SLC44A5: variants seen among roughly 807,000 people sequenced by gnomAD.
SLC44A5 encodes solute carrier family 44 member 5, also known as choline transporter-like protein 5.
A neutral mutation model predicts 101.8 loss-of-function variants in SLC44A5; 57 were observed. The ratio of observed to expected loss-of-function variants is 0.56; its 90% CI spans 0.45 to 0.70. The LOEUF (loss-of-function observed/expected upper bound fraction) is 0.70. Among genes scored for constraint, SLC44A5 ranks in the 30% least tolerant of loss-of-function variants. The probability of loss-of-function intolerance (pLI) is 0.00; values close to 1 mark genes in which losing one functional copy is unlikely to be tolerated. For synonymous variants in SLC44A5, 281 were observed against 290.9 expected, an observed-to-expected ratio of 0.97 and a Z score of 0.35; for missense variants, 737 against 853.1, an observed-to-expected ratio of 0.86 and a Z score of 1.70.
At chr1:75,396,669 A>G in intron 2 of SLC44A5, 48 bp from the exon 3 acceptor site, 1 of 1,436,212 alleles carries the variant, frequency 7.0e-7, no homozygotes, top group South Asian at 1.1e-5. Context: ...GGGGCTGATG[A>G]CTCTGAGGTT....
chr1:75,418,217 G>C (rs1161918770), intron 2 of SLC44A5, among the ~76,000 whole-genome samples: 1 of 152,132 alleles, frequency 6.6e-6, no homozygotes, highest in African/African-American at 2.4e-5. Flanking sequence ...CCATTACCTA[G>C]TTTACACAAC....
intron 7 of SLC44A5, among the ~76,000 whole-genome samples, chr1:75,244,951 T>C (rs548786119): frequency 1.3e-4 from 20 of 152,230 alleles, no homozygotes; most frequent in African/African-American, 4.8e-4. Context: ...ATTGGCCAAA[T>C]TGTAGCTCAA....
chr1:75,500,949 G>A (rs1668926545), intron 2 of SLC44A5, among the ~76,000 whole-genome samples: 2 of 152,052 alleles, frequency 1.3e-5, no homozygotes, highest in East Asian at 1.9e-4. Flanking sequence ...CATAAATTGA[G>A]GATAACTTGC....
At chr1:75,318,942 C>T (rs180724580) in intron 4 of SLC44A5, among the ~76,000 whole-genome samples, 2 of 152,024 alleles carry the variant, frequency 1.3e-5, no homozygotes, top group South Asian at 4.1e-4. Context: ...CACTCCCAAC[C>T]CCCCCTGCCA....
chr1:75,281,963 G>A (rs538049963), intron 5 of SLC44A5, among the ~76,000 whole-genome samples: 1 of 152,266 alleles, frequency 6.6e-6, no homozygotes, highest in South Asian at 2.1e-4. Context: ...ACCTCCACTG[G>A]GGCATTGCCT....
intron 5 of SLC44A5, among the ~76,000 whole-genome samples, chr1:75,291,241 T>C (rs1325595848): frequency 1.3e-5 from 2 of 152,242 alleles, no homozygotes; most frequent in Non-Finnish European, 2.9e-5. Flanking sequence ...GTTTTTCATT[T>C]TCATTTTAAA....
chr1:75,524,164 C>T (rs1033290128), intron 2 of SLC44A5, among the ~76,000 whole-genome samples: 1 of 152,032 alleles, frequency 6.6e-6, no homozygotes, highest in African/African-American at 2.4e-5. Flanking sequence ...AGTGAGTTCT[C>T]ACAAGATCTG....
chr1:75,443,372 TA>T (rs574396167), intron 2 of SLC44A5, among the ~76,000 whole-genome samples: 25 of 151,546 alleles, frequency 1.6e-4, no homozygotes, highest in African/African-American at 5.6e-4. Context: ...GATTGATACA[TA>T]AAAAAAGAAA....
At chr1:75,640,068 G>A in the SLC44A5 span, among the ~76,000 whole-genome samples, 1 of 152,062 alleles carries the variant, frequency 6.6e-6, no homozygotes, top group Non-Finnish European at 1.5e-5. Context: ...AGATATGTAA[G>A]TTACTTGTTA....
At chr1:75,700,014 G>T in the SLC44A5 span, among the ~76,000 whole-genome samples, 1 of 151,964 alleles carries the variant, frequency 6.6e-6, no homozygotes, top group Non-Finnish European at 1.5e-5. Context: ...AGCAAGTCCT[G>T]AGTGACCTAC....
chr1:75,670,559 T>G, the SLC44A5 span, among the ~76,000 whole-genome samples: 1 of 152,214 alleles, frequency 6.6e-6, no homozygotes, highest in Non-Finnish European at 1.5e-5. Flanking sequence ...AATAATGTTT[T>G]GAAATTTGTA....
In SLC44A5 at chr1:75,498,631, CA is replaced by C. The variant is rs563803426; in HGVS notation, c.13+42803del. ...ATTTAATAATACAATGAAAGCTATG[CA>C]GTCTTTCTCTTTCTCACTAAAGTCA... On this transcript the variant is annotated intron_variant, in intron 2 of 23. Coordinates refer to ENST00000370859, the MANE Select transcript of SLC44A5 (RefSeq NM_001130058.2). Among the ~76,000 whole-genome samples the C allele has an allele frequency of 2.5e-4, 38 of 152,226 alleles. No homozygotes were observed. In the South Asian group the frequency reaches 7.9e-3, roughly 32 times the overall value.
At chr1:75,716,041 C>T in the SLC44A5 span, among the ~76,000 whole-genome samples, 1 of 151,986 alleles carries the variant, frequency 6.6e-6, no homozygotes. Context: ...AGACACGTGG[C>T]CAACAAGCAT....
Position 75,395,809 on chromosome 1 carries a change from A to G in SLC44A5, c.52+774T>C, listed in dbSNP as rs150811128. ...CACCGTTAATAATAATGTATTGCAT[A>G]TTTTAAAATTGCTAATAGAATGGAC... On this transcript the variant is annotated intron_variant, in intron 3 of 23. Transcript: ENST00000370859. 8.2e-3 allele frequency among the ~76,000 whole-genome samples: 1,254 copies of G among 152,252 alleles called. 25 individuals are homozygous for G. The highest frequency in any genetic ancestry group is 0.028 in the African/African-American group (1,171 of 41,554).
At chr1:75,447,949 GA>G (rs1665682125) in intron 2 of SLC44A5, among the ~76,000 whole-genome samples, 1 of 151,956 alleles carries the variant, frequency 6.6e-6, no homozygotes, top group African/African-American at 2.4e-5. Context: ...ATGAGTCTGT[GA>G]CAACCCAAGG....
intron 4 of SLC44A5, among the ~76,000 whole-genome samples, chr1:75,300,886 T>C (rs1476069598): frequency 1.3e-5 from 2 of 152,214 alleles, no homozygotes; most frequent in African/African-American, 2.4e-5. Context: ...CATAGTTCCA[T>C]GATTAATGAA....
chr1:75,547,338 G>T (rs571935025), intron 1 of SLC44A5, among the ~76,000 whole-genome samples: 27 of 152,096 alleles, frequency 1.8e-4, no homozygotes, highest in African/African-American at 6.5e-4. Context: ...CCACTCAATG[G>T]GTGCCAAAAC....
intron 19 of SLC44A5, 128 bp from the exon 20 acceptor site, chr1:75,214,806 C>T: frequency 1.4e-6 from 1 of 695,742 alleles, no homozygotes; most frequent in African/African-American, 1.8e-5. Flanking sequence ...ACTCTTTTTT[C>T]TAATGTGTAT....
chr1:75,467,009 C>T (rs1007076952), intron 2 of SLC44A5, among the ~76,000 whole-genome samples: 7 of 151,962 alleles, frequency 4.6e-5, no homozygotes, highest in African/African-American at 7.2e-5. Context: ...AATCAACGTA[C>T]GAAAATCGGT....
Sources: allele counts gnomAD v4.1 joint callset (sites outside exome capture counted in the v4.1 genomes callset), GRCh38; gene constraint gnomAD v4.1.1; transcripts MANE v1.5; gene names NCBI Gene and HGNC (gene_info 2026-07-23, HGNC 2026-07-21).